Variants in SAXO1 observed in about 807,000 individuals in gnomAD.
SAXO1 encodes the protein 4930500O09Rik.
In SAXO1, 21 loss-of-function variants were observed where a neutral mutation model predicts 17.5. That is an observed-to-expected ratio of 1.20 (90% CI 0.85 to 1.72). The LOEUF (loss-of-function observed/expected upper bound fraction) is 1.72. Among genes scored for constraint, SAXO1 ranks in the 40% most tolerant of loss-of-function variants. The probability of loss-of-function intolerance (pLI) is 0.00; values close to 1 mark genes in which losing one functional copy is unlikely to be tolerated. For missense variants in SAXO1, 843 were observed against 596.0 expected (o/e 1.41, Z -4.32); for synonymous variants, 274 against 216.5 (o/e 1.27, Z -2.33).
intron 1 of SAXO1, among the ~76,000 whole-genome samples, chr9:18,982,922 G>C (rs1157585877): frequency 6.6e-6 from 1 of 152,134 alleles, no homozygotes; most frequent in Non-Finnish European, 1.5e-5. Flanking sequence ...TAATTGTTTT[G>C]ATAGATGTAT....
At chr9:18,933,611 T>C (rs1052610434) in intron 3 of SAXO1, among the ~76,000 whole-genome samples, 8 of 152,218 alleles carry the variant, frequency 5.3e-5, no homozygotes, top group African/African-American at 1.7e-4. Context: ...TATCTGGGAA[T>C]GTATTTTGCC....
chr9:18,990,804 G>T (rs10811077), intron 1 of SAXO1, among the ~76,000 whole-genome samples: 78,075 of 152,046 alleles, frequency 0.51, 21,755 homozygotes, highest in Non-Finnish European at 0.63. Context: ...TAGGTTGTGT[G>T]CTCCTTATGA....
chr9:18,928,541 T>C lies in SAXO1; in HGVS notation c.936A>G (p.Thr312=), dbSNP rs1830884779. 1 of 1,613,990 alleles carries C rather than the reference T, an allele frequency of 6.2e-7. No homozygotes were observed. Among genetic ancestry groups the C allele is most frequent in the Non-Finnish European group, 8.5e-7 (1 of 1,179,962 alleles). ...DLLTTVQAHY[T]CPKGAPAQSC... is the part of the protein sequence containing the mutation. Reference sequence around the variant, plus strand: ...ACTGAGCTGGGGCACCCTTAGGGCATGTGTAATGGGCCTGCACTGTTGTCA... The same window carrying C: ...ACTGAGCTGGGGCACCCTTAGGGCACGTGTAATGGGCCTGCACTGTTGTCA... The change falls in exon 4 of 4, where the codon ACA becomes ACG. Residue 312 remains threonine (T), a synonymous_variant. Coordinates refer to ENST00000380534, the MANE Select transcript of SAXO1 (RefSeq NM_153707.4).
At chr9:19,036,217 C>G (rs1210898022), upstream of SAXO1, among the ~76,000 whole-genome samples, 1 of 147,370 alleles carries the variant, frequency 6.8e-6, no homozygotes, top group Non-Finnish European at 1.5e-5. Context: ...AACAAACCTG[C>G]ACGTTCTGCA....
At chr9:19,012,775 C>T (rs941422840) in intron 1 of SAXO1, among the ~76,000 whole-genome samples, 14 of 152,304 alleles carry the variant, frequency 9.2e-5, no homozygotes, top group African/African-American at 3.4e-4. Context: ...TTTCTAGGCA[C>T]TCTCAGTAGA....
At chr9:18,942,507 C>G (rs1477930357) in intron 2 of SAXO1, among the ~76,000 whole-genome samples, 4 of 152,190 alleles carry the variant, frequency 2.6e-5, no homozygotes, top group Non-Finnish European at 5.9e-5. Context: ...AAAAGCTTCT[C>G]CTGCTAATGT....
intron 3 of SAXO1, among the ~76,000 whole-genome samples, chr9:18,934,043 T>A (rs1040766791): frequency 6.7e-6 from 1 of 150,062 alleles, no homozygotes; most frequent in African/African-American, 2.4e-5. Flanking sequence ...CGAGACTCCG[T>A]CTCAAAAATA....
At chr9:18,990,232 G>A (rs1327886478) in intron 1 of SAXO1, among the ~76,000 whole-genome samples, 3 of 150,328 alleles carry the variant, frequency 2.0e-5, no homozygotes, top group Non-Finnish European at 2.9e-5. Flanking sequence ...AGCCTATAAT[G>A]ACCGGCATTT....
chr9:19,042,644 C>G (rs1169156659), intron 1 of SAXO1, among the ~76,000 whole-genome samples: 1 of 152,036 alleles, frequency 6.6e-6, no homozygotes, highest in Non-Finnish European at 1.5e-5. Flanking sequence ...AGGCGGATCA[C>G]CAGAGGTTGG....
chr9:18,941,550 A>T, intron 3 of SAXO1, 87 bp downstream of exon 3: 1 of 1,482,658 alleles, frequency 6.7e-7, no homozygotes, highest in South Asian at 1.2e-5. Context: ...TCTTGCACTA[A>T]CTGAGTATGC....
At chr9:19,033,802 C>T (rs371324998), upstream of SAXO1, among the ~76,000 whole-genome samples, 158 of 152,294 alleles carry the variant, frequency 1.0e-3, 1 homozygote, top group African/African-American at 3.5e-3. Context: ...CCAGACCCCA[C>T]CCCCAGTTTC....
In SAXO1 at chr9:19,000,049, C is replaced by T. The variant is rs1279851200; in HGVS notation, c.38+32822G>A. The stretch of plus-strand genomic sequence containing the variant: ...GAAGTGAGGAGCGCCTCTGCCCAGC[C>T]GCCACAACATCTGGGAAGTGAGGAG... On this transcript the variant is annotated intron_variant, in intron 1 of 3. Coordinates refer to ENST00000380534, the MANE Select transcript of SAXO1 (RefSeq NM_153707.4). Among the ~76,000 whole-genome samples the T allele has an allele frequency of 2.6e-4, 38 of 146,478 alleles. 1 individual carries two copies. The highest frequency in any genetic ancestry group is 4.0e-4 in the Admixed American group (6 of 14,842).
chr9:19,035,262 G>A (rs566718240), upstream of SAXO1, among the ~76,000 whole-genome samples: 10 of 152,240 alleles, frequency 6.6e-5, no homozygotes, highest in Middle Eastern at 3.4e-3. Context: ...AATCATGGGG[G>A]CGGTTTCCCC....
chr9:18,945,873 T>G (rs1313377017), intron 2 of SAXO1, among the ~76,000 whole-genome samples: 2 of 152,210 alleles, frequency 1.3e-5, no homozygotes, highest in African/African-American at 4.8e-5. Flanking sequence ...TAATTTTCCA[T>G]TAACTATTTA....
intron 3 of SAXO1, among the ~76,000 whole-genome samples, chr9:18,938,113 T>A (rs980354805): frequency 3.3e-5 from 5 of 152,180 alleles, no homozygotes; most frequent in African/African-American, 1.2e-4. Flanking sequence ...CAGTTCAGAC[T>A]TGACTGGTGT....
intron 1 of SAXO1, chr9:19,027,001 A>G (rs1835501703): frequency 2.3e-6 from 2 of 877,542 alleles, no homozygotes; most frequent in African/African-American, 3.3e-5. Flanking sequence ...AGTGAGATCA[A>G]GATCATGAAG....
At chr9:19,023,792 G>T (rs1158404827) in intron 1 of SAXO1, among the ~76,000 whole-genome samples, 1 of 14,752 alleles carries the variant, frequency 6.8e-5, no homozygotes, top group African/African-American at 6.7e-4. Flanking sequence ...AGGAAGGAAG[G>T]GAGGGAGGAA....
chr9:18,938,824 G>GTC (rs1831416197), intron 3 of SAXO1, among the ~76,000 whole-genome samples: 2 of 66,436 alleles, frequency 3.0e-5, no homozygotes, highest in South Asian at 5.4e-4. Flanking sequence ...GTGCGTGCGT[G>GTC]TGTGTGTGTG....
Position 18,950,847 on chromosome 9 carries a change from G to T in SAXO1, c.129C>A (p.Phe43Leu). 1 of 1,613,894 alleles carries T rather than the reference G, an allele frequency of 6.2e-7. No homozygotes were observed. The highest frequency in any genetic ancestry group is 8.5e-7 in the Non-Finnish European group (1 of 1,179,812). ...LLSEYTENYP[F>L]YHSYLPRESF... ...ACTCTCTGGGCAGGTAGGAGTGATA[G>T]AAAGGGTAGTTCTCGGTATATTCGG... Residue 43 changes from phenylalanine to leucine, a missense_variant, in exon 2 of 4, where the codon TTC becomes TTA. By Grantham distance (22) the Phe-to-Leu change is conservative. Transcript: ENST00000380534.
Sources: allele counts gnomAD v4.1 joint callset (sites outside exome capture counted in the v4.1 genomes callset), GRCh38; gene constraint gnomAD v4.1.1; transcripts MANE v1.5; gene names NCBI Gene and HGNC (gene_info 2026-07-23, HGNC 2026-07-21).